DCAF6: variants seen among roughly 807,000 people sequenced by gnomAD.
DCAF6 encodes the protein DDB1- and CUL4-associated factor 6.
Under a neutral mutation model 125.1 loss-of-function variants are expected in DCAF6, and 54 were observed. That is an observed-to-expected ratio of 0.43 (90% CI 0.35 to 0.54). The LOEUF is 0.54. DCAF6 is among the 20% of genes least tolerant of loss of function. The pLI is 0.01. For missense variants in DCAF6, 934 were observed against 1,161.7 expected (o/e 0.80, Z 2.85); for synonymous variants, 371 against 390.4 (o/e 0.95, Z 0.58).
chr1:167,908,061 G>A, the DCAF6 span, among the ~76,000 whole-genome samples: 9 of 152,150 alleles, frequency 5.9e-5, no homozygotes, highest in African/African-American at 2.2e-4. Flanking sequence ...CCACATCTGG[G>A]TATATACCCA....
intron 9 of DCAF6, 30 bp downstream of exon 9, chr1:168,004,019 G>A: frequency 6.3e-7 from 1 of 1,599,682 alleles, no homozygotes; most frequent in Non-Finnish European, 8.5e-7. Context: ...AAAGTCATCA[G>A]AAAGCTGGCA....
chr1:167,961,077 A>G (rs1557895147), intron 2 of DCAF6, among the ~76,000 whole-genome samples: 1 of 152,128 alleles, frequency 6.6e-6, no homozygotes, highest in Non-Finnish European at 1.5e-5. Flanking sequence ...ATTTATACCT[A>G]AGTGTTTCAT....
At chr1:167,872,573 G>A in the DCAF6 span, among the ~76,000 whole-genome samples, 690 of 151,906 alleles carry the variant, frequency 4.5e-3, 10 homozygotes, top group African/African-American at 0.016. Flanking sequence ...ACCCTAAAAA[G>A]CCACTATTTA....
chr1:168,009,821 A>G (rs939445669), intron 10 of DCAF6, among the ~76,000 whole-genome samples: 9 of 119,180 alleles, frequency 7.6e-5, no homozygotes, highest in Non-Finnish European at 1.2e-4. Flanking sequence ...ATTTTGTGAA[A>G]AGCAATTATA....
intron 10 of DCAF6, among the ~76,000 whole-genome samples, chr1:168,010,584 T>C (rs572049986): frequency 3.9e-4 from 60 of 152,268 alleles, no homozygotes; most frequent in African/African-American, 1.4e-3. Context: ...TTTGAAGATA[T>C]TTTGATTTTT....
chr1:167,961,822 C>CA (rs1233084654), intron 2 of DCAF6, among the ~76,000 whole-genome samples: 1 of 152,182 alleles, frequency 6.6e-6, no homozygotes, highest in Admixed American at 6.5e-5. Flanking sequence ...ACATGATGCT[C>CA]AAAGTATTTT....
chr1:167,880,110 C>T, the DCAF6 span: 2 of 1,610,722 alleles, frequency 1.2e-6, no homozygotes, highest in Non-Finnish European at 1.7e-6. Context: ...GCTGACCCAG[C>T]ACACCTGTGT....
chr1:168,002,649 C>G, intron 8 of DCAF6, 74 bp downstream of exon 8: 1 of 1,146,838 alleles, frequency 8.7e-7, no homozygotes, highest in Non-Finnish European at 1.3e-6. Context: ...AGTTTCTTCA[C>G]TATTATAAAT....
chr1:167,963,616 A>G (rs894664439), intron 2 of DCAF6, among the ~76,000 whole-genome samples: 1 of 151,678 alleles, frequency 6.6e-6, no homozygotes, highest in Admixed American at 6.6e-5. Context: ...TTTAGTAGAG[A>G]TGGGGTTTCA....
At chr1:167,950,920 G>A (rs1037969513) in intron 1 of DCAF6, among the ~76,000 whole-genome samples, 1 of 152,150 alleles carries the variant, frequency 6.6e-6, no homozygotes, top group African/African-American at 2.4e-5. Flanking sequence ...TTTCATCATT[G>A]TAATGTTAAC....
At chr1:168,002,335 A>T in intron 7 of DCAF6, 147 bp from the exon 8 acceptor site, 1 of 617,036 alleles carries the variant, frequency 1.6e-6, no homozygotes, top group Non-Finnish European at 2.8e-6. Flanking sequence ...TGACGCTTAT[A>T]CCAGTGTCTT....
At chr1:167,917,264 A>T in the DCAF6 span, 30,843 of 152,090 alleles carry the variant, frequency 0.2, 3,827 homozygotes, top group Admixed American at 0.36. Context: ...AAACCTACTT[A>T]TGTCCCAGGT....
At chr1:167,901,889 A>T in the DCAF6 span, 1 of 1,611,150 alleles carries the variant, frequency 6.2e-7, no homozygotes, top group South Asian at 1.1e-5. Flanking sequence ...AAACTTACTC[A>T]TCAAGCATTC....
chr1:168,027,591 T>G (rs1686506206), intron 12 of DCAF6, among the ~76,000 whole-genome samples: 1 of 152,158 alleles, frequency 6.6e-6, no homozygotes, highest in Non-Finnish European at 1.5e-5. Context: ...CACAAAATAT[T>G]TCTTCACCAT....
At chr1:168,063,454 C>G (rs1433065817) in intron 17 of DCAF6, among the ~76,000 whole-genome samples, 167 bp from the exon 18 acceptor site, 1 of 152,180 alleles carries the variant, frequency 6.6e-6, no homozygotes, top group African/African-American at 2.4e-5. Context: ...CTCAACTAGT[C>G]TGACTTCTCA....
At chr1:167,885,843 T>G in the DCAF6 span, among the ~76,000 whole-genome samples, 1 of 152,222 alleles carries the variant, frequency 6.6e-6, no homozygotes, top group African/African-American at 2.4e-5. Context: ...CTTGAACTCC[T>G]GATCTCGTGA....
At chr1:168,027,392 T>G (rs112484352) in intron 12 of DCAF6, among the ~76,000 whole-genome samples, 2,053 of 152,260 alleles carry the variant, frequency 0.013, 47 homozygotes, top group African/African-American at 0.047. Flanking sequence ...TTCAAAATTT[T>G]AACCTTTACC....
At chr1:167,992,645 G>A (rs926099849) in intron 6 of DCAF6, among the ~76,000 whole-genome samples, 9 of 152,154 alleles carry the variant, frequency 5.9e-5, no homozygotes, top group Non-Finnish European at 5.9e-5. Context: ...TTAGAATTTA[G>A]CATTCCTGGG....
the DCAF6 span, among the ~76,000 whole-genome samples, chr1:167,893,695 C>CAAAAA: frequency 1.4e-5 from 1 of 70,186 alleles, no homozygotes; most frequent in Admixed American, 2.0e-4. Flanking sequence ...GACTCTGTCT[C>CAAAAA]AAAAAAAAAA....
Sources: allele counts gnomAD v4.1 joint callset (sites outside exome capture counted in the v4.1 genomes callset), GRCh38; gene constraint gnomAD v4.1.1; transcripts MANE v1.5; gene names NCBI Gene and HGNC (gene_info 2026-07-23, HGNC 2026-07-21).